Variants in HES7 observed in about 807,000 individuals in gnomAD.
HES7 encodes transcription factor HES-7.
HES7 carries 8 observed loss-of-function variants against 18.0 expected under a neutral mutation model. That is an observed-to-expected ratio of 0.45 (90% CI 0.26 to 0.80). The LOEUF is 0.80. Ranked by LOEUF, HES7 falls within the 30% of genes least tolerant of loss-of-function variation. The pLI is 0.18. For missense variants in HES7, 356 were observed against 340.9 expected (o/e 1.04, Z -0.35); for synonymous variants, 170 against 158.6 (o/e 1.07, Z -0.54).
upstream of HES7, among the ~76,000 whole-genome samples, chr17:8,126,605 C>G (rs997745557): frequency 6.6e-6 from 1 of 152,154 alleles, no homozygotes; most frequent in African/African-American, 2.4e-5. Context: ...GGGCGCACAG[C>G]CACCTGCGGC....
rs1476698152 is a variant in HES7 at position 8,124,093 on chromosome 17, C to T, written c.-9G>A. The T allele has an allele frequency of 6.2e-7, 1 of 1,614,032 alleles. No homozygotes were observed. Among genetic ancestry groups the T allele is most frequent in the East Asian group, 2.2e-5 (1 of 44,870 alleles). On this transcript the variant is annotated 5_prime_UTR_variant, in exon 1 of 4. Transcript: ENST00000541682. ...CGATCCCGGGTGACCATTGCTCCTC[C>T]GGACCCTGTGTGGACCGGTTCCCTG...
In HES7 at chr17:8,122,125, G is replaced by C. The variant is rs1235250238; in HGVS notation, c.227-88C>G. 1 of 1,226,824 alleles carries C rather than the reference G, an allele frequency of 8.2e-7. No individual in the cohort carries two copies. The highest frequency in any genetic ancestry group is 1.1e-6 in the Non-Finnish European group (1 of 905,012). The allele number at this position is 1,226,824 out of a possible 1,614,324, so 76.0% of individuals were successfully genotyped here. Reference sequence around the variant, plus strand: ...GCGGGGCGCAGAGATACCAAGGCCGGACAGGCGCACAGAGACAGGAAGCCA... The same window carrying C: ...GCGGGGCGCAGAGATACCAAGGCCGCACAGGCGCACAGAGACAGGAAGCCA... On this transcript the variant is annotated intron_variant, in intron 3 of 3. Coordinates refer to ENST00000541682, the MANE Select transcript of HES7 (RefSeq NM_001165967.2). The surrounding 1 kb of genome is among the most constrained non-coding windows in gnomAD (Gnocchi z 6.9).
At chr17:8,125,760 G>A (rs984581794), upstream of HES7, among the ~76,000 whole-genome samples, 2 of 152,230 alleles carry the variant, frequency 1.3e-5, no homozygotes, top group Non-Finnish European at 2.9e-5. Flanking sequence ...TGGTGGTTCA[G>A]TGGTAGAATT....
In HES7 at chr17:8,121,704, G is replaced by T. The variant is rs1308150151; in HGVS notation, c.560C>A (p.Pro187Gln). The change falls in exon 4 of 4, where the codon CCG becomes CAG. Residue 187 changes from proline (P) to glutamine (Q), a missense_variant. Physicochemically the swap from Pro to Gln is moderately conservative, Grantham distance 76. Transcript: ENST00000541682. Reference protein sequence around the residue: ...RCAWSPSLCSPRAGDSGAPAP... With the variant: ...RCAWSPSLCSQRAGDSGAPAP... ...CGGCGCGCCAGAATCCCCGGCGCGC[G>T]GGGAGCAGAGGGATGGGGACCATGC... is the stretch of plus-strand genomic sequence containing the variant. 5.2e-6 allele frequency: 7 copies of T among 1,334,314 alleles called. No homozygotes were observed. The highest frequency in any genetic ancestry group is 4.1e-5 in the Admixed American group (1 of 24,602). 82.7% of individuals were successfully genotyped at this position (1,334,314 alleles called of 1,614,324 possible). A position where few individuals can be genotyped will look rare whatever the true frequency, so the allele number is the denominator to read the frequency against.
In HES7 at chr17:8,123,641, C is replaced by T; in HGVS notation, c.42+402G>A. 2.8e-6 allele frequency: 1 copy of T among 361,428 alleles called. No individual in the cohort carries two copies. The highest frequency in any genetic ancestry group is 4.4e-5 in the Admixed American group (1 of 22,620). 22.4% of individuals were successfully genotyped at this position (361,428 alleles called of 1,614,324 possible). A position where few individuals can be genotyped will look rare whatever the true frequency, so the allele number is the denominator to read the frequency against. The stretch of plus-strand genomic sequence containing the variant: ...GGCCTCTGGAACCAACGCCCCGGGA[C>T]CTTCTGTACAAGACCGCCTTGGGCC... On this transcript the variant is annotated intron_variant, in intron 1 of 3. Coordinates refer to ENST00000541682, the MANE Select transcript of HES7 (RefSeq NM_001165967.2). This position sits in a 1 kb window ranked among gnomAD's most constrained non-coding sequence, Gnocchi z 5.9.
chr17:8,123,017 G>A lies in HES7; in HGVS notation c.138+14C>T, dbSNP rs1203540868. 2 of 1,581,422 alleles carry A rather than the reference G, an allele frequency of 1.3e-6. No individual in the cohort carries two copies. Among genetic ancestry groups the A allele is most frequent in the Non-Finnish European group, 8.6e-7 (1 of 1,161,362 alleles). The stretch of plus-strand genomic sequence containing the variant: ...CGGGAAGCTTGGGGACCTAGGGCTA[G>A]CGGAGGGACTGACCTGGTCCCGGGT... On this transcript the variant is annotated intron_variant, in intron 2 of 3. Transcript: ENST00000541682. This position sits in a 1 kb window ranked among gnomAD's most constrained non-coding sequence, Gnocchi z 5.9.
Position 8,123,928 on chromosome 17 carries a change from A to G in HES7, c.42+115T>C. On this transcript the variant is annotated intron_variant, in intron 1 of 3. Coordinates refer to ENST00000541682, the MANE Select transcript of HES7 (RefSeq NM_001165967.2). This position sits in a 1 kb window ranked among gnomAD's most constrained non-coding sequence, Gnocchi z 5.9. Reference sequence around the variant, plus strand: ...CAGCTTCTGGCTCCTGGAGTTCTGGAGCACCGCTCCCCTTCCACCCCTGCG... The same window carrying G: ...CAGCTTCTGGCTCCTGGAGTTCTGGGGCACCGCTCCCCTTCCACCCCTGCG... The G allele has an allele frequency of 1.7e-6, 2 of 1,171,536 alleles. No homozygotes were observed. Among genetic ancestry groups the G allele is most frequent in the South Asian group, 2.5e-5 (2 of 78,970 alleles). The allele number at this position is 1,171,536 out of a possible 1,614,324, so 72.6% of individuals were successfully genotyped here. A position where few individuals can be genotyped will look rare whatever the true frequency, so the allele number is the denominator to read the frequency against.
At position 8,122,100 on chromosome 17, in the gene HES7, G is replaced by T; in HGVS notation, c.227-63C>A. 7.2e-7 allele frequency: 1 copy of T among 1,383,964 alleles called. No individual in the cohort carries two copies. Among genetic ancestry groups the T allele is most frequent in the Non-Finnish European group, 9.5e-7 (1 of 1,047,616 alleles). The allele number at this position is 1,383,964 out of a possible 1,614,324, so 85.7% of individuals were successfully genotyped here. A position where few individuals can be genotyped will look rare whatever the true frequency, so the allele number is the denominator to read the frequency against. On this transcript the variant is annotated intron_variant, in intron 3 of 3. Coordinates refer to ENST00000541682, the MANE Select transcript of HES7 (RefSeq NM_001165967.2). The surrounding 1 kb of genome is among the most constrained non-coding windows in gnomAD (Gnocchi z 6.9). ...GGGCCCGGCAGGGGTGAGGGAAGGGGCGGGGCGCAGAGATACCAAGGCCGG... is the reference window on the plus strand; with the variant it reads ...GGGCCCGGCAGGGGTGAGGGAAGGGTCGGGGCGCAGAGATACCAAGGCCGG...
rs1314666204 is a variant in HES7, at chr17:8,123,729, C to T, written c.42+314G>A. 2.6e-5 allele frequency among the ~76,000 whole-genome samples: 4 copies of T among 152,198 alleles called. No individual in the cohort carries two copies. Among genetic ancestry groups the T allele is most frequent in the Non-Finnish European group, 5.9e-5 (4 of 68,040 alleles). The stretch of plus-strand genomic sequence containing the variant: ...CTATCCTCTTCTCTTTTCGTTCCCA[C>T]CCTCCTCCCTTGGCTCTGCCCTCTA... On this transcript the variant is annotated intron_variant, in intron 1 of 3. Transcript: ENST00000541682. This position sits in a 1 kb window ranked among gnomAD's most constrained non-coding sequence, Gnocchi z 5.9.
At chr17:8,126,432 T>G (rs1981609196), upstream of HES7, among the ~76,000 whole-genome samples, 2 of 152,170 alleles carry the variant, frequency 1.3e-5, no homozygotes. Flanking sequence ...CTCTGGTATC[T>G]CGTCGTCTCT....
At chr17:8,125,519 C>T (rs1325865927), upstream of HES7, among the ~76,000 whole-genome samples, 6 of 152,222 alleles carry the variant, frequency 3.9e-5, no homozygotes, top group East Asian at 9.6e-4. Context: ...CACCTGCACG[C>T]GAGGCTGGGG....
chr17:8,121,712 G>T lies in HES7; in HGVS notation c.552C>A (p.Leu184=). The T allele has an allele frequency of 1.5e-6, 2 of 1,363,000 alleles. No homozygotes were observed. The highest frequency in any genetic ancestry group is 1.9e-6 in the Non-Finnish European group (2 of 1,066,166). 84.4% of individuals were successfully genotyped at this position (1,363,000 alleles called of 1,614,324 possible). The change falls in exon 4 of 4, where the codon CTC becomes CTA. Residue 184 remains leucine, a synonymous_variant. Transcript: ENST00000541682. ...PSPRCAWSPS[L]CSPRAGDSGA... ...CAGAATCCCCGGCGCGCGGGGAGCAGAGGGATGGGGACCATGCGCAGCGCG... is the reference window on the plus strand; with the variant it reads ...CAGAATCCCCGGCGCGCGGGGAGCATAGGGATGGGGACCATGCGCAGCGCG...
At chr17:8,125,742 C>G (rs527679056), upstream of HES7, among the ~76,000 whole-genome samples, 8 of 152,214 alleles carry the variant, frequency 5.3e-5, no homozygotes, top group African/African-American at 1.9e-4. Context: ...AATCTTTAAG[C>G]CGCGCATTGG....
At chr17:8,125,143 A>G (rs1338854914), upstream of HES7, among the ~76,000 whole-genome samples, 11 of 152,184 alleles carry the variant, frequency 7.2e-5, no homozygotes, top group Non-Finnish European at 1.5e-4. Context: ...CGAGGGCTTC[A>G]GGACAAAGTG....
upstream of HES7, among the ~76,000 whole-genome samples, chr17:8,124,964 G>C (rs1981538408): frequency 6.6e-6 from 1 of 152,160 alleles, no homozygotes; most frequent in African/African-American, 2.4e-5. Context: ...TGGCTGATAG[G>C]ACACCTCACG....
rs1370586064 is a variant in HES7 at position 8,123,862 on chromosome 17, C to A, written c.42+181G>T. On this transcript the variant is annotated intron_variant, in intron 1 of 3. Transcript: ENST00000541682. The surrounding 1 kb of genome is among the most constrained non-coding windows in gnomAD (Gnocchi z 5.9). ...TCCCGCCGCCCACTCAGGTCTGGCT[C>A]TGACCCCTGTCCCCTTCTTCATATT... Among the ~76,000 whole-genome samples the A allele has an allele frequency of 2.0e-5, 3 of 152,226 alleles. No homozygotes were observed. The highest frequency in any genetic ancestry group is 4.4e-5 in the Non-Finnish European group (3 of 68,044).
At position 8,121,996 on chromosome 17, in the gene HES7, C is replaced by G; in HGVS notation, c.268G>C (p.Ala90Pro). ...PGVPRSPVQD[A>P]EALASCYLSG... The stretch of plus-strand genomic sequence containing the variant: ...AAGTAGCAGCTGGCGAGCGCCTCGG[C>G]GTCCTGGACTGGGGACCGGGGAACC... The change falls in exon 4 of 4, where the codon GCC (alanine) becomes CCC (proline). Residue 90 changes from alanine (A) to proline (P), a missense_variant. Coordinates refer to ENST00000541682, the MANE Select transcript of HES7 (RefSeq NM_001165967.2). The G allele has an allele frequency of 1.3e-6, 2 of 1,529,146 alleles. No homozygotes were observed. The highest frequency in any genetic ancestry group is 1.7e-6 in the Non-Finnish European group (2 of 1,146,830). 94.7% of individuals were successfully genotyped at this position (1,529,146 alleles called of 1,614,324 possible). A position where few individuals can be genotyped will look rare whatever the true frequency, so the allele number is the denominator to read the frequency against.
chr17:8,123,188 G>T lies in HES7; in HGVS notation c.43-62C>A. The T allele has an allele frequency of 7.4e-7, 1 of 1,356,012 alleles. No homozygotes were observed. 84.0% of individuals were successfully genotyped at this position (1,356,012 alleles called of 1,614,324 possible). Reference sequence around the variant, plus strand: ...ACCGAGACTCAGTGCGGCCGCCCCGGCGTCGGATCCCGCCGCTGGGAGAGC... The same window carrying T: ...ACCGAGACTCAGTGCGGCCGCCCCGTCGTCGGATCCCGCCGCTGGGAGAGC... On this transcript the variant is annotated intron_variant, in intron 1 of 3. Transcript: ENST00000541682. This position sits in a 1 kb window ranked among gnomAD's most constrained non-coding sequence, Gnocchi z 5.9.
At position 8,122,297 on chromosome 17, in the gene HES7, T is replaced by A; in HGVS notation, c.226+46A>T. 2 of 1,462,534 alleles carry A rather than the reference T, an allele frequency of 1.4e-6. No individual in the cohort carries two copies. The highest frequency in any genetic ancestry group is 1.9e-6 in the Non-Finnish European group (2 of 1,067,700). 90.6% of individuals were successfully genotyped at this position (1,462,534 alleles called of 1,614,324 possible). A position where few individuals can be genotyped will look rare whatever the true frequency, so the allele number is the denominator to read the frequency against. The stretch of plus-strand genomic sequence containing the variant: ...CCACTCTGCCCCGGCCGGAGCCTCC[T>A]GGCGTCCCCCCTCCCTCCCTCCGCT... On this transcript the variant is annotated intron_variant, in intron 3 of 3. Coordinates refer to ENST00000541682, the MANE Select transcript of HES7 (RefSeq NM_001165967.2). The surrounding 1 kb of genome is among the most constrained non-coding windows in gnomAD (Gnocchi z 6.9).
Sources: gnomAD v4.1 joint callset for allele counts (sites outside exome capture counted in the v4.1 genomes callset) on GRCh38, gnomAD v4.1.1 for gene constraint, Gnocchi (gnomAD v3.1) non-coding constraint, MANE v1.5 for transcripts, NCBI Gene and HGNC (gene_info 2026-07-23, HGNC 2026-07-21) for gene names.